CHST9: variants seen among roughly 807,000 people sequenced by gnomAD.
CHST9 encodes carbohydrate sulfotransferase 9.
A neutral mutation model predicts 44.4 loss-of-function variants in CHST9; 41 were observed. That is an observed-to-expected ratio of 0.92 (90% CI 0.72 to 1.20). CHST9 has a LOEUF of 1.20. CHST9 is among the 50% of genes most tolerant of loss of function. The pLI, the probability that CHST9 is intolerant of heterozygous loss-of-function variation, is 0.00. For synonymous variants in CHST9, 171 were observed against 178.4 expected (o/e 0.96, Z 0.33); for missense variants, 504 against 516.5 (o/e 0.98, Z 0.23).
At chr18:27,173,649 T>C (rs760281788) in intron 1 of CHST9, among the ~76,000 whole-genome samples, 30 of 152,034 alleles carry the variant, frequency 2.0e-4, no homozygotes, top group Non-Finnish European at 7.4e-5. Context: ...TTAGTGCTTA[T>C]ATATAAATTA....
chr18:27,112,985 C>T (rs66520490), intron 2 of CHST9, among the ~76,000 whole-genome samples: 17,908 of 151,930 alleles, frequency 0.12, 1,226 homozygotes, highest in African/African-American at 0.19. Flanking sequence ...GTCAAGAGAT[C>T]GAGACTATCC....
intron 2 of CHST9, among the ~76,000 whole-genome samples, chr18:27,113,430 C>G (rs1208199364): frequency 6.6e-6 from 1 of 151,946 alleles, no homozygotes. Context: ...TATTAATATG[C>G]CTCATTTAAT....
chr18:27,031,119 TTC>T (rs1042067687), intron 3 of CHST9, among the ~76,000 whole-genome samples: 1 of 152,314 alleles, frequency 6.6e-6, no homozygotes, highest in African/African-American at 2.4e-5. Context: ...GCCATACTAT[TTC>T]TCTCTCTCAA....
chr18:27,127,884 C>G (rs2058438607), intron 2 of CHST9, among the ~76,000 whole-genome samples: 1 of 152,110 alleles, frequency 6.6e-6, no homozygotes, highest in Non-Finnish European at 1.5e-5. Flanking sequence ...TAGCAGGAAG[C>G]TCTGGGAGTT....
chr18:26,948,813 G>T (rs141107416), intron 4 of CHST9, among the ~76,000 whole-genome samples: 12 of 152,296 alleles, frequency 7.9e-5, no homozygotes, highest in African/African-American at 2.9e-4. Context: ...ATAAGAGAGG[G>T]GCACTCCAGG....
At chr18:27,151,534 C>T (rs1013783709) in intron 1 of CHST9, among the ~76,000 whole-genome samples, 15 of 152,074 alleles carry the variant, frequency 9.9e-5, no homozygotes, top group Admixed American at 1.3e-4. Flanking sequence ...AGTTTGCAGA[C>T]GGAATGAAGT....
intron 1 of CHST9, among the ~76,000 whole-genome samples, chr18:27,168,560 T>C (rs1213791118): frequency 6.6e-6 from 1 of 152,222 alleles, no homozygotes; most frequent in East Asian, 1.9e-4. Context: ...ATGACATTTA[T>C]GATACAGGGA....
chr18:27,077,857 C>T (rs1026356696), intron 2 of CHST9, among the ~76,000 whole-genome samples: 4 of 152,134 alleles, frequency 2.6e-5, no homozygotes, highest in South Asian at 2.1e-4. Flanking sequence ...TTAATTGGCT[C>T]GCAGCCTGTG....
At chr18:26,975,968 A>G (rs1211064811) in intron 4 of CHST9, among the ~76,000 whole-genome samples, 1 of 151,428 alleles carries the variant, frequency 6.6e-6, no homozygotes, top group South Asian at 2.1e-4. Flanking sequence ...CCCCCACCAC[A>G]GGGAGGAACC....
chr18:27,083,119 A>G (rs975319665), intron 2 of CHST9, among the ~76,000 whole-genome samples: 2 of 152,176 alleles, frequency 1.3e-5, no homozygotes, highest in African/African-American at 4.8e-5. Context: ...GTATGTATAT[A>G]TAAGTAGATA....
chr18:27,096,949 T>C lies in CHST9; in HGVS notation c.121+45740A>G, dbSNP rs555412990. Among the ~76,000 whole-genome samples, 9 of 152,102 alleles carry C rather than the reference T, an allele frequency of 5.9e-5. No homozygotes were observed. The South Asian group carries it at 1.7e-3, about 28-fold the overall frequency. On this transcript the variant is annotated intron_variant, in intron 2 of 5. Transcript: ENST00000618847. The stretch of plus-strand genomic sequence containing the variant: ...TATGAAGCCAGCATCCCTCTGATAC[T>C]GAAACCTGGCAAAGAAACAATGAAA...
chr18:27,151,313 C>T (rs1264186168), intron 1 of CHST9, among the ~76,000 whole-genome samples: 2 of 152,064 alleles, frequency 1.3e-5, no homozygotes, highest in African/African-American at 4.8e-5. Flanking sequence ...TTTAGACTTA[C>T]ATAGATGTTG....
intron 4 of CHST9, among the ~76,000 whole-genome samples, chr18:27,023,130 T>A (rs1218629889): frequency 6.6e-6 from 1 of 152,090 alleles, no homozygotes; most frequent in Non-Finnish European, 1.5e-5. Context: ...AAATGTTGAG[T>A]TTTAAATGAA....
chr18:27,133,410 A>G (rs2058488429), intron 2 of CHST9, among the ~76,000 whole-genome samples: 1 of 152,156 alleles, frequency 6.6e-6, no homozygotes, highest in Admixed American at 6.5e-5. Flanking sequence ...AAAGCAGGGG[A>G]CAGCACGTAA....
chr18:27,091,347 T>A (rs1327369396), intron 2 of CHST9, among the ~76,000 whole-genome samples: 4 of 152,204 alleles, frequency 2.6e-5, no homozygotes, highest in Non-Finnish European at 5.9e-5. Context: ...GATTTTGGGC[T>A]GAGATGATGG....
At chr18:27,077,981 G>A (rs955657562) in intron 2 of CHST9, among the ~76,000 whole-genome samples, 7 of 152,066 alleles carry the variant, frequency 4.6e-5, no homozygotes, top group Non-Finnish European at 1.0e-4. Flanking sequence ...AGAGCATGAA[G>A]GGGGAGGTGC....
chr18:27,046,656 G>A (rs535325609), intron 3 of CHST9, among the ~76,000 whole-genome samples: 1 of 152,204 alleles, frequency 6.6e-6, no homozygotes, highest in East Asian at 1.9e-4. Flanking sequence ...ACCACAGACT[G>A]ATTGTAGTAT....
chr18:26,963,138 A>G (rs1162689199), intron 4 of CHST9, among the ~76,000 whole-genome samples: 2 of 152,172 alleles, frequency 1.3e-5, no homozygotes, highest in Non-Finnish European at 2.9e-5. Flanking sequence ...GAAACAAACA[A>G]AAACACTCAT....
intron 2 of CHST9, among the ~76,000 whole-genome samples, chr18:27,097,557 T>TA (rs1428076898): frequency 1.3e-5 from 2 of 152,016 alleles, no homozygotes; most frequent in Non-Finnish European, 2.9e-5. Flanking sequence ...TTTCAGGGTA[T>TA]AAAATCAATA....
Sources: allele counts gnomAD v4.1 joint callset (sites outside exome capture counted in the v4.1 genomes callset), GRCh38; gene constraint gnomAD v4.1.1; transcripts MANE v1.5; gene names NCBI Gene and HGNC (gene_info 2026-07-23, HGNC 2026-07-21).